Variants in PPP2R5C observed in about 807,000 individuals in gnomAD.
PPP2R5C encodes the protein protein phosphatase 2 regulatory subunit B'gamma, also known as serine/threonine-protein phosphatase 2A 56 kDa regulatory subunit gamma isoform.
In PPP2R5C, 7 loss-of-function variants were observed where a neutral mutation model predicts 68.9. That is an observed-to-expected ratio of 0.10 (90% CI 0.06 to 0.19). PPP2R5C has a LOEUF of 0.19. Ranked by LOEUF, PPP2R5C falls within the 10% of genes least tolerant of loss-of-function variation. The pLI is 1.00. For missense variants in PPP2R5C, 348 were observed against 641.3 expected, an observed-to-expected ratio of 0.54 and a Z score of 4.94; for synonymous variants, 210 against 222.2, an observed-to-expected ratio of 0.95 and a Z score of 0.49.
Position 101,916,206 on chromosome 14 carries a change from A to C in PPP2R5C, c.1327-1625A>C, listed in dbSNP as rs957890314. ...CTGGGGCTGTCGGGGTAGGGTGTGG[A>C]GATGTGTGGAGATCGTGGTGCTGGG... On this transcript the variant is annotated intron_variant, in intron 12 of 13. Coordinates refer to ENST00000334743, the Ensembl canonical transcript of PPP2R5C. This position sits in a 1 kb window ranked among gnomAD's most constrained non-coding sequence, Gnocchi z 5.5. Among the ~76,000 whole-genome samples, 1 of 152,066 alleles carries C rather than the reference A, an allele frequency of 6.6e-6. No homozygotes were observed. Among genetic ancestry groups the C allele is most frequent in the Non-Finnish European group, 1.5e-5 (1 of 68,004 alleles).
chr14:101,914,193 T>C, intron 12 of PPP2R5C: 1 of 456,126 alleles, frequency 2.2e-6, no homozygotes. Flanking sequence ...TGGTTCTGCA[T>C]AGGAGCTTTG....
chr14:101,824,154 C>A, intron 1 of PPP2R5C: 1 of 1,278,464 alleles, frequency 7.8e-7, no homozygotes, highest in Non-Finnish European at 1.0e-6. Flanking sequence ...ACATAGCTGG[C>A]AAGAGTATTT....
At chr14:101,770,480 T>C (rs1236515474) in intron 2 of PPP2R5C, among the ~76,000 whole-genome samples, 1 of 152,182 alleles carries the variant, frequency 6.6e-6, no homozygotes, top group Non-Finnish European at 1.5e-5. Flanking sequence ...ATGGAACCCA[T>C]TTCATGTAAA....
chr14:101,846,082 C>T lies in PPP2R5C; in HGVS notation c.95-10604C>T, dbSNP rs903716752. 2.6e-5 allele frequency among the ~76,000 whole-genome samples: 4 copies of T among 152,308 alleles called. No individual in the cohort carries two copies. In the East Asian group the frequency reaches 7.7e-4, roughly 29 times the overall value. ...ACCTCTCCGGGTTTCTCATGGAGCC[C>T]CGCCAAACAGACCTAGCTACAGGCA... On this transcript the variant is annotated intron_variant, in intron 1 of 13. Transcript: ENST00000334743.
chr14:101,897,082 T>C (rs1349025708), intron 8 of PPP2R5C, among the ~76,000 whole-genome samples: 1 of 152,092 alleles, frequency 6.6e-6, no homozygotes, highest in East Asian at 1.9e-4. Context: ...TGCCGGGCCC[T>C]CGTGGAAGGA....
chr14:101,822,079 G>GCCCCCCCCCCC (rs756270809), intron 1 of PPP2R5C, among the ~76,000 whole-genome samples: 1 of 36,184 alleles, frequency 2.8e-5, no homozygotes, highest in Non-Finnish European at 6.0e-5. Flanking sequence ...ACCACCCCCT[G>GCCCCCCCCCCC]CCCCCCCCCC....
chr14:101,904,784 C>T (rs554854038), intron 9 of PPP2R5C, among the ~76,000 whole-genome samples: 30 of 152,338 alleles, frequency 2.0e-4, no homozygotes, highest in African/African-American at 7.2e-4. Flanking sequence ...CCAAGTGCTG[C>T]TGTGAGTTGT....
intron 2 of PPP2R5C, among the ~76,000 whole-genome samples, chr14:101,776,920 G>A (rs531819781): frequency 1.7e-4 from 24 of 138,896 alleles, no homozygotes; most frequent in African/African-American, 4.9e-4. Flanking sequence ...TTGCTCTGTC[G>A]CCCAGGCTGG....
chr14:101,852,689 C>G (rs546178701), intron 1 of PPP2R5C, among the ~76,000 whole-genome samples: 169 of 152,126 alleles, frequency 1.1e-3, no homozygotes, highest in Non-Finnish European at 1.9e-3. Context: ...CTAGGCTAGT[C>G]TCGAACTCCT....
chr14:101,895,034 G>A (rs1399958035), intron 8 of PPP2R5C, among the ~76,000 whole-genome samples: 4 of 152,124 alleles, frequency 2.6e-5, no homozygotes, highest in African/African-American at 7.2e-5. Context: ...ACAAGTGAAC[G>A]TTAGATTACT....
Position 101,819,730 on chromosome 14 carries a change from C to T in PPP2R5C, c.94+9694C>T, listed in dbSNP as rs56279163. On this transcript the variant is annotated intron_variant, in intron 1 of 13. Coordinates refer to ENST00000334743, the Ensembl canonical transcript of PPP2R5C. ...TCCCCAGCTCGAGCATTCCGCCCAC[C>T]GCAGCATCCTGTGTAGCTGGGACTA... 1.1e-3 allele frequency: 175 copies of T among 152,652 alleles called. 1 individual carries two copies. The highest frequency in any genetic ancestry group is 3.5e-3 in the South Asian group (17 of 4,862). 9.5% of individuals were successfully genotyped at this position (152,652 alleles called of 1,614,324 possible).
chr14:101,867,856 T>G (rs1192258122), intron 2 of PPP2R5C, among the ~76,000 whole-genome samples: 1 of 152,176 alleles, frequency 6.6e-6, no homozygotes, highest in East Asian at 1.9e-4. Flanking sequence ...TTATCAGGAC[T>G]CTTGTTGGTT....
At position 101,825,033 on chromosome 14, in the gene PPP2R5C, G is replaced by A. The variant is rs942676291; in HGVS notation, c.94+14997G>A. ...TATGACTGATGAAAGGAGAGCAGCC[G>A]AGAGCAGTTAAGTGGAAGGCAAGAC... On this transcript the variant is annotated intron_variant, in intron 1 of 13. Coordinates refer to ENST00000334743, the Ensembl canonical transcript of PPP2R5C. This position sits in a 1 kb window ranked among gnomAD's most constrained non-coding sequence, Gnocchi z 4.0. 1.3e-5 allele frequency: 2 copies of A among 152,230 alleles called. No homozygotes were observed. Among genetic ancestry groups the A allele is most frequent in the Admixed American group, 6.5e-5 (1 of 15,284 alleles). 9.4% of individuals were successfully genotyped at this position (152,230 alleles called of 1,614,324 possible).
intron 3 of PPP2R5C, among the ~76,000 whole-genome samples, chr14:101,790,773 T>A (rs2038320501): frequency 3.3e-5 from 5 of 152,212 alleles, no homozygotes; most frequent in Admixed American, 3.3e-4. Context: ...GTGGTAAATT[T>A]ATGTTTAGCT....
chr14:101,925,240 G>A (rs3742424), exon 14 of PPP2R5C: 1 of 1,613,408 alleles, frequency 6.2e-7, no homozygotes, highest in East Asian at 2.2e-5. Context: ...TCACTGCAGG[G>A]CCGATGAGCT....
At chr14:101,806,475 CAT>C (rs1389556804), upstream of PPP2R5C, among the ~76,000 whole-genome samples, 3 of 152,156 alleles carry the variant, frequency 2.0e-5, no homozygotes, top group Non-Finnish European at 2.9e-5. Flanking sequence ...TTCCATGGTA[CAT>C]ATGTGCCACA....
At chr14:101,816,891 AT>A (rs1308551042) in intron 1 of PPP2R5C, among the ~76,000 whole-genome samples, 5 of 128,990 alleles carry the variant, frequency 3.9e-5, no homozygotes, top group South Asian at 2.2e-4. Context: ...TTATATATAT[AT>A]TATATAAATA....
intron 3 of PPP2R5C, among the ~76,000 whole-genome samples, chr14:101,799,022 G>C: frequency 6.6e-6 from 1 of 152,226 alleles, no homozygotes; most frequent in East Asian, 1.9e-4. Flanking sequence ...GGTTTTGTAA[G>C]ATCAGAATTG....
At chr14:101,815,983 TCTTAG>T (rs1438613150) in intron 1 of PPP2R5C, among the ~76,000 whole-genome samples, 1 of 152,220 alleles carries the variant, frequency 6.6e-6, no homozygotes, top group African/African-American at 2.4e-5. Context: ...CTGATGTATT[TCTTAG>T]CTAAATACCT....
Sources: allele counts gnomAD v4.1 joint callset (sites outside exome capture counted in the v4.1 genomes callset), GRCh38; gene constraint gnomAD v4.1.1; non-coding constraint Gnocchi (gnomAD v3.1); transcripts MANE v1.5; gene names NCBI Gene and HGNC (gene_info 2026-07-23, HGNC 2026-07-21).